The following PRELP variants were observed in gnomAD, a reference collection of about 807,000 sequenced individuals.
PRELP encodes prolargin.
In PRELP, 16 loss-of-function variants were observed where a neutral mutation model predicts 22.8. The observed-to-expected ratio is 0.70, with a 90% CI of 0.47 to 1.06. The LOEUF (loss-of-function observed/expected upper bound fraction) is 1.06. PRELP is among the 50% of genes least tolerant of loss of function. The pLI, the probability that PRELP is intolerant of heterozygous loss-of-function variation, is 0.00. For synonymous variants in PRELP, 233 were observed against 211.4 expected (o/e 1.10, Z -0.89); for missense variants, 434 against 485.2 (o/e 0.89, Z 0.99).
intron 1 of PRELP, among the ~76,000 whole-genome samples, chr1:203,477,817 C>T (rs1375830696): frequency 4.6e-5 from 7 of 152,224 alleles, no homozygotes; most frequent in Non-Finnish European, 1.0e-4. Context: ...GTCCCCTCAC[C>T]TGTTGCAGAA....
rs1432113122 is a variant in PRELP, at chr1:203,482,651, G to A, written c.-16-518G>A. Among the ~76,000 whole-genome samples the A allele has an allele frequency of 2.2e-5, 3 of 136,224 alleles. No homozygotes were observed. In the Admixed American group the frequency reaches 2.5e-4, roughly 11 times the overall value. 89.4% of individuals were successfully genotyped at this position (136,224 alleles called of 152,430 possible). Reference sequence around the variant, plus strand: ...CTCACTCTGTCACCCAGGCTGGAGTGCAGTGGTGCAATCTCGGCTCACTGC... The same window carrying A: ...CTCACTCTGTCACCCAGGCTGGAGTACAGTGGTGCAATCTCGGCTCACTGC... On this transcript the variant is annotated intron_variant, in intron 1 of 2. Transcript: ENST00000343110.
In PRELP at chr1:203,483,911, G is replaced by A. The variant is rs775055111; in HGVS notation, c.727G>A (p.Ala243Thr). Residue 243 changes from alanine (A) to threonine (T), a missense_variant, in exon 2 of 3, where the codon GCC becomes ACC. Transcript: ENST00000343110. The surrounding 1 kb of genome is among the most constrained non-coding windows in gnomAD (Gnocchi z 4.4). Reference protein sequence around the residue: ...LRKMPPRVPTAIHQLYLDSNK... With the variant: ...LRKMPPRVPTTIHQLYLDSNK... ...AAAGATGCCGCCCAGGGTCCCCACC[G>A]CCATTCACCAGCTCTACCTGGACAG... 12 of 1,614,068 alleles carry A rather than the reference G, an allele frequency of 7.4e-6. No individual in the cohort carries two copies. The highest frequency in any genetic ancestry group is 1.6e-4 in the Middle Eastern group (1 of 6,084).
chr1:203,487,023 C>A lies in PRELP; in HGVS notation c.*142C>A. 1.0e-6 allele frequency: 1 copy of A among 999,232 alleles called. No individual in the cohort carries two copies. The highest frequency in any genetic ancestry group is 1.4e-6 in the Non-Finnish European group (1 of 706,914). The allele number at this position is 999,232 out of a possible 1,614,324, so 61.9% of individuals were successfully genotyped here. ...TCCCACCCTCGAGGCAGGGAAAAGC[C>A]ATCTATTCTTCTGCAGCCTCAGGAG... On this transcript the variant is annotated 3_prime_UTR_variant, in exon 3 of 3. Coordinates refer to ENST00000343110, the MANE Select transcript of PRELP (RefSeq NM_002725.4).
chr1:203,479,179 ACCCTGCTGCTAG>A (rs1660958210), intron 1 of PRELP, among the ~76,000 whole-genome samples: 3 of 151,984 alleles, frequency 2.0e-5, no homozygotes, highest in Admixed American at 6.6e-5. Context: ...GTGCGGCGTA[ACCCTGCTGCTAG>A]CCCTGCCTAG....
At chr1:203,478,663 G>A (rs116015170) in intron 1 of PRELP, among the ~76,000 whole-genome samples, 1,756 of 152,166 alleles carry the variant, frequency 0.012, 15 homozygotes, top group Middle Eastern at 0.068. Context: ...AACAGGGTTC[G>A]CATCACTAGG....
chr1:203,486,923 G>C lies in PRELP; in HGVS notation c.*42G>C, dbSNP rs1391155874. 6.5e-7 allele frequency: 1 copy of C among 1,547,550 alleles called. No individual in the cohort carries two copies. Among genetic ancestry groups the C allele is most frequent in the African/African-American group, 1.4e-5 (1 of 73,124 alleles). ...GGATCTGCTCTGACCGCACTTGAAG[G>C]CTGGGGCCCAGGCACCTGTGCCGGC... is the stretch of plus-strand genomic sequence containing the variant. On this transcript the variant is annotated 3_prime_UTR_variant, in exon 3 of 3. Coordinates refer to ENST00000343110, the MANE Select transcript of PRELP (RefSeq NM_002725.4).
Position 203,484,154 on chromosome 1 carries a change from G to C in PRELP, c.970G>C (p.Glu324Gln). 6.9e-7 allele frequency: 1 copy of C among 1,442,804 alleles called. No individual in the cohort carries two copies. Among genetic ancestry groups the C allele is most frequent in the Non-Finnish European group, 9.6e-7 (1 of 1,043,576 alleles). The allele number at this position is 1,442,804 out of a possible 1,614,324, so 89.4% of individuals were successfully genotyped here. The change falls in exon 2 of 3, where the codon GAG (glutamate) becomes CAG (glutamine). Residue 324 changes from glutamate to glutamine, a missense_variant. Physicochemically the swap from Glu to Gln is conservative, Grantham distance 29 (BLOSUM62 2). Coordinates refer to ENST00000343110, the MANE Select transcript of PRELP (RefSeq NM_002725.4). ...EHLYLNNNSI[E>Q]KINGTQICPN... is the part of the protein sequence containing the mutation. ...CCTGTACCTCAACAACAATAGCATC[G>C]AGAGTGAGTGGGGTGGGCCGGGGCG...
chr1:203,480,950 C>T (rs1660988894), intron 1 of PRELP, among the ~76,000 whole-genome samples: 1 of 152,234 alleles, frequency 6.6e-6, no homozygotes, highest in African/African-American at 2.4e-5. Flanking sequence ...TGTGAGTAAC[C>T]TGCCTGTTCC....
rs1164144639 is a variant in PRELP at position 203,489,336 on chromosome 1, G to A, written c.*2455G>A. 6.6e-6 allele frequency: 1 copy of A among 152,304 alleles called. No homozygotes were observed. Among genetic ancestry groups the A allele is most frequent in the Non-Finnish European group, 1.5e-5 (1 of 68,038 alleles). 9.4% of individuals were successfully genotyped at this position (152,304 alleles called of 1,614,324 possible). On this transcript the variant is annotated 3_prime_UTR_variant, in exon 3 of 3. Coordinates refer to ENST00000343110, the MANE Select transcript of PRELP (RefSeq NM_002725.4). The stretch of plus-strand genomic sequence containing the variant: ...TCTCCTTTGCTCTCTGCAGCTGTAA[G>A]CCAGAGGGGATTCAAGGTAAATAGG...
Position 203,478,772 on chromosome 1 carries a change from T to A in PRELP, c.-17+2834T>A, listed in dbSNP as rs776188994. Among the ~76,000 whole-genome samples the A allele has an allele frequency of 5.3e-4, 80 of 152,098 alleles. 1 individual carries two copies. Among genetic ancestry groups the A allele is most frequent in the Admixed American group, 2.6e-4 (4 of 15,280 alleles). ...AGCTCATCCTTGTATCGTTTCACCT[T>A]CCTAGAAAGGGGCATCTTGAAGTCA... On this transcript the variant is annotated intron_variant, in intron 1 of 2. Coordinates refer to ENST00000343110, the MANE Select transcript of PRELP (RefSeq NM_002725.4).
chr1:203,483,900 G>A lies in PRELP; in HGVS notation c.716G>A (p.Arg239Lys), dbSNP rs1661052599. 6.2e-7 allele frequency: 1 copy of A among 1,614,188 alleles called. No homozygotes were observed. The highest frequency in any genetic ancestry group is 1.1e-5 in the South Asian group (1 of 91,074). The change falls in exon 2 of 3, where the codon AGG becomes AAG. Residue 239 changes from arginine to lysine, a missense_variant. Coordinates refer to ENST00000343110, the MANE Select transcript of PRELP (RefSeq NM_002725.4). This position sits in a 1 kb window ranked among gnomAD's most constrained non-coding sequence, Gnocchi z 4.4. Reference sequence around the variant, plus strand: ...AACATCCTGAGAAAGATGCCGCCCAGGGTCCCCACCGCCATTCACCAGCTC... The same window carrying A: ...AACATCCTGAGAAAGATGCCGCCCAAGGTCCCCACCGCCATTCACCAGCTC... ...AHNILRKMPP[R>K]VPTAIHQLYL...
At position 203,483,815 on chromosome 1, in the gene PRELP, G is replaced by A. The variant is rs764985837; in HGVS notation, c.631G>A (p.Val211Ile). The A allele has an allele frequency of 1.4e-5, 22 of 1,614,010 alleles. No homozygotes were observed. Among genetic ancestry groups the A allele is most frequent in the Non-Finnish European group, 1.7e-5 (20 of 1,180,020 alleles). Reference sequence around the variant, plus strand: ...CCAGCACAACAGGCTGAGCGACGGCGTCTTCAAGCCCGACACCTTCCATGG... The same window carrying A: ...CCAGCACAACAGGCTGAGCGACGGCATCTTCAAGCCCGACACCTTCCATGG... ...DLQHNRLSDG[V>I]FKPDTFHGLK... The change falls in exon 2 of 3, where the codon GTC (valine) becomes ATC (isoleucine). Residue 211 changes from valine to isoleucine, a missense_variant. Coordinates refer to ENST00000343110, the MANE Select transcript of PRELP (RefSeq NM_002725.4). The surrounding 1 kb of genome is among the most constrained non-coding windows in gnomAD (Gnocchi z 4.4).
intron 1 of PRELP, among the ~76,000 whole-genome samples, chr1:203,477,008 C>T (rs1660922356): frequency 1.3e-5 from 2 of 151,242 alleles, no homozygotes; most frequent in South Asian, 4.2e-4. Context: ...GGCCCCTCTC[C>T]TGCTCCCCTG....
intron 1 of PRELP, among the ~76,000 whole-genome samples, chr1:203,479,698 T>C (rs1310555399): frequency 1.0e-5 from 1 of 95,856 alleles, no homozygotes. Flanking sequence ...AGGGAGACCC[T>C]GTATCACCAA....
chr1:203,475,818 G>C lies in PRELP; in HGVS notation c.-137G>C, dbSNP rs946755274. 6.8e-6 allele frequency: 1 copy of C among 146,288 alleles called. No individual in the cohort carries two copies. The highest frequency in any genetic ancestry group is 2.5e-5 in the African/African-American group (1 of 39,418). The allele number at this position is 146,288 out of a possible 1,614,324, so 9.1% of individuals were successfully genotyped here. Reference sequence around the variant, plus strand: ...AGAAAAGTCAGGCAAACACAAGCACGCACACACCACTGGGAGATCAGATCT... The same window carrying C: ...AGAAAAGTCAGGCAAACACAAGCACCCACACACCACTGGGAGATCAGATCT... On this transcript the variant is annotated 5_prime_UTR_variant, in exon 1 of 3. Coordinates refer to ENST00000343110, the MANE Select transcript of PRELP (RefSeq NM_002725.4).
rs1661035119 is a variant in PRELP, at chr1:203,483,259, A to G, written c.75A>G (p.Arg25=). Residue 25 remains arginine (R), a synonymous_variant, in exon 2 of 3, where the codon CGA becomes CGG. Coordinates refer to ENST00000343110, the MANE Select transcript of PRELP (RefSeq NM_002725.4). The surrounding 1 kb of genome is among the most constrained non-coding windows in gnomAD (Gnocchi z 4.4). ...TGGCCCAAGGCCAGCCAACAAGACGACCAAGACCCGGGACTGGGCCCGGGC... is the reference window on the plus strand; with the variant it reads ...TGGCCCAAGGCCAGCCAACAAGACGGCCAAGACCCGGGACTGGGCCCGGGC... ...ASVAQGQPTR[R]PRPGTGPGRR... 6.2e-7 allele frequency: 1 copy of G among 1,603,388 alleles called. No individual in the cohort carries two copies. Among genetic ancestry groups the G allele is most frequent in the African/African-American group, 1.4e-5 (1 of 73,934 alleles).
rs185994340 is a variant in PRELP at position 203,484,536 on chromosome 1, C to A, written c.973+379C>A. Reference sequence around the variant, plus strand: ...ATAGGTAGGGTAGACATGGAATATACTCCTGGACATTCTGCTAAAAACAGA... The same window carrying A: ...ATAGGTAGGGTAGACATGGAATATAATCCTGGACATTCTGCTAAAAACAGA... On this transcript the variant is annotated intron_variant, in intron 2 of 2. Coordinates refer to ENST00000343110, the MANE Select transcript of PRELP (RefSeq NM_002725.4). Among the ~76,000 whole-genome samples the A allele has an allele frequency of 1.3e-3, 200 of 152,360 alleles. 1 individual carries two copies. The highest frequency in any genetic ancestry group is 4.5e-3 in the African/African-American group (187 of 41,588).
At position 203,489,950 on chromosome 1, in the gene PRELP, T is replaced by G. The variant is rs1379348626; in HGVS notation, c.*3069T>G. ...CCAGCCTAGGAGACAAAACGAGACTTCATTTAAAAAAAATAAAAATAAAAA... is the reference window on the plus strand; with the variant it reads ...CCAGCCTAGGAGACAAAACGAGACTGCATTTAAAAAAAATAAAAATAAAAA... On this transcript the variant is annotated 3_prime_UTR_variant, in exon 3 of 3. Transcript: ENST00000343110. 6.6e-6 allele frequency: 1 copy of G among 151,880 alleles called. No individual in the cohort carries two copies. The highest frequency in any genetic ancestry group is 1.9e-4 in the East Asian group (1 of 5,194). 9.4% of individuals were successfully genotyped at this position (151,880 alleles called of 1,614,324 possible). A position where few individuals can be genotyped will look rare whatever the true frequency, so the allele number is the denominator to read the frequency against.
Position 203,477,449 on chromosome 1 carries a change from C to T in PRELP, c.-17+1511C>T, listed in dbSNP as rs1341796. ...TTGCAAGCACAAGCAGCCATATATACCACAGAGGAACATTCCAGTAAGAAA... is the reference window on the plus strand; with the variant it reads ...TTGCAAGCACAAGCAGCCATATATATCACAGAGGAACATTCCAGTAAGAAA... On this transcript the variant is annotated intron_variant, in intron 1 of 2. Transcript: ENST00000343110. Among the ~76,000 whole-genome samples the T allele has an allele frequency of 4.9e-3, 739 of 152,244 alleles. 4 individuals carry two copies. Among genetic ancestry groups the T allele is most frequent in the African/African-American group, 0.017 (710 of 41,534 alleles).
Sources: allele counts gnomAD v4.1 joint callset (sites outside exome capture counted in the v4.1 genomes callset), GRCh38; gene constraint gnomAD v4.1.1; non-coding constraint Gnocchi (gnomAD v3.1); transcripts MANE v1.5; gene names NCBI Gene and HGNC (gene_info 2026-07-23, HGNC 2026-07-21).